Variants in RANBP2 observed in about 807,000 individuals in gnomAD.
The protein encoded by RANBP2 is RAN binding protein 2.
RANBP2 carries 57 observed loss-of-function variants against 303.6 expected under a neutral mutation model. That is an observed-to-expected ratio of 0.19 (90% CI 0.15 to 0.23). RANBP2 has a LOEUF of 0.23. Ranked by LOEUF, RANBP2 falls within the 10% of genes least tolerant of loss-of-function variation. The probability of loss-of-function intolerance (pLI) is 1.00; values close to 1 mark genes in which losing one functional copy is unlikely to be tolerated. For missense variants in RANBP2, 3,138 were observed against 3,780.8 expected (o/e 0.83, Z 4.46); for synonymous variants, 1,167 against 1,301.5 (o/e 0.90, Z 2.23).
chr2:109,113,812 A>G, the RANBP2 span, among the ~76,000 whole-genome samples: 5 of 152,204 alleles, frequency 3.3e-5, no homozygotes, highest in African/African-American at 4.8e-5. Flanking sequence ...ATGTCCCATC[A>G]ATACCTAATT....
chr2:108,883,774 A>C, the RANBP2 span: 2 of 152,244 alleles, frequency 1.3e-5, no homozygotes, highest in Admixed American at 6.5e-5. Flanking sequence ...TTGTGACTCA[A>C]GGGTCTGCCC....
chr2:108,754,227 G>A (rs1003367250), intron 15 of RANBP2, among the ~76,000 whole-genome samples: 48 of 151,590 alleles, frequency 3.2e-4, no homozygotes, highest in Admixed American at 6.6e-4. Flanking sequence ...TCTAAGATAA[G>A]ACATTGATTT....
At chr2:109,736,374 A>T in the RANBP2 span, among the ~76,000 whole-genome samples, 93 of 152,186 alleles carry the variant, frequency 6.1e-4, no homozygotes, top group Non-Finnish European at 1.1e-3. Flanking sequence ...CCACTTCTTC[A>T]GGCCCCACTC....
the RANBP2 span, among the ~76,000 whole-genome samples, chr2:109,548,041 A>G: frequency 3.0e-4 from 46 of 152,330 alleles, no homozygotes; most frequent in African/African-American, 1.1e-3. Context: ...ACTGCTCATA[A>G]AAGAATTCTA....
the RANBP2 span, among the ~76,000 whole-genome samples, chr2:109,472,300 C>T: frequency 7.3e-5 from 11 of 151,146 alleles, no homozygotes; most frequent in South Asian, 2.1e-4. Context: ...GGAGAGGACC[C>T]GGCCAGGGGC....
In RANBP2 at chr2:108,785,077, C is replaced by T. The variant is rs1211195248; in HGVS notation, c.*1176C>T. 6.6e-6 allele frequency: 1 copy of T among 152,176 alleles called. No individual in the cohort carries two copies. Among genetic ancestry groups the T allele is most frequent in the Non-Finnish European group, 1.5e-5 (1 of 68,024 alleles). 9.4% of individuals were successfully genotyped at this position (152,176 alleles called of 1,614,324 possible). A position where few individuals can be genotyped will look rare whatever the true frequency, so the allele number is the denominator to read the frequency against. On this transcript the variant is annotated 3_prime_UTR_variant, in exon 29 of 29. Coordinates refer to ENST00000283195, the MANE Select transcript of RANBP2 (RefSeq NM_006267.5). ...GCAATTATGAATATTGACTGTCTTC[C>T]ACCCATCTGTGTTCTTTCGGGTGAA...
chr2:109,432,394 C>A, the RANBP2 span: 1 of 1,429,048 alleles, frequency 7.0e-7, no homozygotes, highest in Non-Finnish European at 9.5e-7. Context: ...TCTAGTGGGT[C>A]TTTTTAGGTT....
the RANBP2 span, among the ~76,000 whole-genome samples, chr2:108,977,128 C>T: frequency 3.5e-4 from 54 of 152,274 alleles, 4 homozygotes; most frequent in East Asian, 0.01. Context: ...GTGGCCCCCA[C>T]TGGCCCGGGC....
At chr2:109,591,371 T>G in the RANBP2 span, among the ~76,000 whole-genome samples, 3 of 152,108 alleles carry the variant, frequency 2.0e-5, no homozygotes, top group Non-Finnish European at 4.4e-5. Flanking sequence ...GTCCCCATGA[T>G]GTAACACAAA....
the RANBP2 span, chr2:109,347,980 G>T: frequency 1.3e-4 from 201 of 1,566,344 alleles, no homozygotes; most frequent in Non-Finnish European, 1.7e-4. Flanking sequence ...GGCCCCGCCA[G>T]CCCATGCAGC....
chr2:108,732,647 T>C (rs983911225), intron 4 of RANBP2, among the ~76,000 whole-genome samples: 2 of 152,098 alleles, frequency 1.3e-5, no homozygotes, highest in African/African-American at 4.8e-5. Flanking sequence ...GCAGTCAAGA[T>C]ACAGAACTAC....
the RANBP2 span, among the ~76,000 whole-genome samples, chr2:109,441,178 G>A: frequency 1.4e-5 from 2 of 144,136 alleles, no homozygotes; most frequent in African/African-American, 2.7e-5. Flanking sequence ...AAATCACAAT[G>A]TCTGATGTCC....
the RANBP2 span, among the ~76,000 whole-genome samples, chr2:109,578,308 C>G: frequency 1.3e-5 from 2 of 152,016 alleles, no homozygotes; most frequent in African/African-American, 4.8e-5. Context: ...AGCACAAGGG[C>G]ACAGAAAGGT....
chr2:109,685,163 G>A, the RANBP2 span, among the ~76,000 whole-genome samples: 423 of 152,222 alleles, frequency 2.8e-3, 21 homozygotes, highest in East Asian at 0.066. Context: ...ATGAGCCACC[G>A]CGCCCAGCCC....
the RANBP2 span, among the ~76,000 whole-genome samples, chr2:109,142,380 C>T: frequency 6.6e-6 from 1 of 152,306 alleles, no homozygotes; most frequent in East Asian, 1.9e-4. Flanking sequence ...TTTAATAGGA[C>T]CCCAAAGCAC....
At chr2:109,229,864 G>T in the RANBP2 span, among the ~76,000 whole-genome samples, 4 of 137,378 alleles carry the variant, frequency 2.9e-5, no homozygotes, top group South Asian at 2.3e-4. Flanking sequence ...TCGCTCTGTT[G>T]CCCAGGCTGG....
chr2:109,151,597 G>T, the RANBP2 span, among the ~76,000 whole-genome samples: 1 of 152,176 alleles, frequency 6.6e-6, no homozygotes, highest in Non-Finnish European at 1.5e-5. Context: ...TTATTAATTT[G>T]CATCCTTTCA....
the RANBP2 span, among the ~76,000 whole-genome samples, chr2:109,672,906 A>G: frequency 6.6e-6 from 1 of 152,250 alleles, no homozygotes; most frequent in African/African-American, 2.4e-5. Flanking sequence ...TAAAGCATAT[A>G]GAAATTTGAA....
At chr2:109,064,961 T>C in the RANBP2 span, among the ~76,000 whole-genome samples, 8 of 152,194 alleles carry the variant, frequency 5.3e-5, no homozygotes, top group African/African-American at 1.9e-4. Flanking sequence ...CACGAGATTT[T>C]GGCAGGCAGG....
Sources: gnomAD v4.1 joint callset for allele counts (sites outside exome capture counted in the v4.1 genomes callset) on GRCh38, gnomAD v4.1.1 for gene constraint, MANE v1.5 for transcripts, NCBI Gene and HGNC (gene_info 2026-07-23, HGNC 2026-07-21) for gene names.